Variants in SLC7A2 observed in about 807,000 individuals in gnomAD.
SLC7A2 encodes the protein cationic amino acid transporter 2.
Under a neutral mutation model 58.9 loss-of-function variants are expected in SLC7A2, and 48 were observed. That is an observed-to-expected ratio of 0.82 (90% CI 0.65 to 1.04). The LOEUF (loss-of-function observed/expected upper bound fraction) is 1.04, where lower values mean the gene tolerates loss of function less well. SLC7A2 is among the 50% of genes least tolerant of loss of function. The pLI, the probability that SLC7A2 is intolerant of heterozygous loss-of-function variation, is 0.00. For synonymous variants in SLC7A2, 363 were observed against 314.5 expected (o/e 1.15, Z -1.63); for missense variants, 1,029 against 818.8 (o/e 1.26, Z -3.13).
At chr8:17,560,628 C>T (rs1247891833) in intron 10 of SLC7A2, 95 bp downstream of exon 10, 2 of 1,061,934 alleles carry the variant, frequency 1.9e-6, no homozygotes, top group Non-Finnish European at 2.9e-6. Flanking sequence ...CCTAACATTG[C>T]CCTAGAATAT....
intron 2 of SLC7A2, among the ~76,000 whole-genome samples, chr8:17,513,567 T>C (rs1158402792): frequency 6.6e-6 from 1 of 152,222 alleles, no homozygotes; most frequent in African/African-American, 2.4e-5. Flanking sequence ...TCACAGGATC[T>C]CCATTGCCTT....
At position 17,554,615 on chromosome 8, in the gene SLC7A2, G is replaced by A. The variant is rs747726871; in HGVS notation, c.1111G>A (p.Gly371Arg). 4.8e-5 allele frequency: 77 copies of A among 1,613,340 alleles called. No individual in the cohort carries two copies. Among genetic ancestry groups the A allele is most frequent in the Non-Finnish European group, 5.5e-5 (65 of 1,179,848 alleles). ...TGTAATCTATGCTATGGCGGAGGAT[G>A]GGTTGCTTTTCAAATGTCTAGCTCA... ...PRVIYAMAED[G>R]LLFKCLAQIN... The change falls in exon 8 of 13, where the codon GGG becomes AGG. Residue 371 changes from glycine to arginine, a missense_variant. Physicochemically the swap from Gly to Arg is moderately radical, Grantham distance 125. Transcript: ENST00000494857.
chr8:17,532,251 AAAAAAAAAC>A (rs1317040233), intron 2 of SLC7A2, among the ~76,000 whole-genome samples: 5,692 of 110,032 alleles, frequency 0.052, 387 homozygotes, highest in East Asian at 0.24. Context: ...AAAAAAAAAA[AAAAAAAAAC>A]CCCAGCAATT....
intron 2 of SLC7A2, among the ~76,000 whole-genome samples, chr8:17,516,425 T>C (rs1236882356): frequency 6.6e-6 from 1 of 152,166 alleles, no homozygotes; most frequent in Non-Finnish European, 1.5e-5. Context: ...GGTTTTGCCA[T>C]GTTGGCCAGG....
At chr8:17,539,455 G>T (rs969744620) in intron 2 of SLC7A2, among the ~76,000 whole-genome samples, 2 of 152,110 alleles carry the variant, frequency 1.3e-5, no homozygotes, top group Non-Finnish European at 2.9e-5. Context: ...TCTATTTTCA[G>T]ATCTAAGCTA....
At chr8:17,544,663 AAT>A in intron 4 of SLC7A2, 57 bp downstream of exon 4, 1 of 1,507,628 alleles carries the variant, frequency 6.6e-7, no homozygotes, top group Non-Finnish European at 9.1e-7. Flanking sequence ...GTCTCAGGAA[AAT>A]AGGTTACTTC....
chr8:17,546,564 A>G (rs1802183735), intron 4 of SLC7A2, among the ~76,000 whole-genome samples: 1 of 152,228 alleles, frequency 6.6e-6, no homozygotes. Context: ...CTTACATGAA[A>G]TATAAAGGTG....
rs573592866 is a variant in SLC7A2 at position 17,551,915 on chromosome 8, G to A, written c.984G>A (p.Ala328=). Residue 328 remains alanine (A), a synonymous_variant, in exon 7 of 13, where the codon GCG becomes GCA. Transcript: ENST00000494857. Reference sequence around the variant, plus strand: ...ATGAAAAAAGCCCCCTTCCTGTAGCGTTTGAATATGTGGGATGGGGTCCTG... The same window carrying A: ...ATGAAAAAAGCCCCCTTCCTGTAGCATTTGAATATGTGGGATGGGGTCCTG... ...LLDEKSPLPV[A]FEYVGWGPAK... 2.9e-5 allele frequency: 47 copies of A among 1,613,972 alleles called. No individual in the cohort carries two copies. The highest frequency in any genetic ancestry group is 6.7e-5 in the African/African-American group (5 of 74,976).
At chr8:17,508,540 A>G (rs1234140138) in intron 2 of SLC7A2, among the ~76,000 whole-genome samples, 2 of 152,134 alleles carry the variant, frequency 1.3e-5, no homozygotes, top group Admixed American at 1.3e-4. Context: ...CCTGGCCAAC[A>G]TGGCGAAACC....
Position 17,533,069 on chromosome 8 carries a change from A to G in SLC7A2, c.-22-10249A>G, listed in dbSNP as rs1801523402. Among the ~76,000 whole-genome samples the G allele has an allele frequency of 2.0e-5, 3 of 152,238 alleles. No individual in the cohort carries two copies. The South Asian group carries it at 6.2e-4, about 32-fold the overall frequency. ...ATGGTTCTTGGTTTGCATGTTCTAG[A>G]TAGAAATTTTAGAGGCTCTGAATCA... On this transcript the variant is annotated intron_variant, in intron 2 of 12. Transcript: ENST00000494857.
chr8:17,527,557 T>C (rs1450183900), intron 2 of SLC7A2, among the ~76,000 whole-genome samples: 1 of 152,206 alleles, frequency 6.6e-6, no homozygotes, highest in African/African-American at 2.4e-5. Context: ...AAAATCAAGG[T>C]GGCAGCTGGA....
At chr8:17,528,205 C>A (rs1272360239) in intron 2 of SLC7A2, among the ~76,000 whole-genome samples, 1 of 152,108 alleles carries the variant, frequency 6.6e-6, no homozygotes, top group African/African-American at 2.4e-5. Flanking sequence ...GCTCCGTACA[C>A]TGTCGAGGTG....
rs1475045730 is a variant in SLC7A2, at chr8:17,568,504, G to A, written c.*3358G>A. The A allele has an allele frequency of 6.6e-6, 1 of 152,110 alleles. No homozygotes were observed. Among genetic ancestry groups the A allele is most frequent in the African/African-American group, 2.4e-5 (1 of 41,442 alleles). 9.4% of individuals were successfully genotyped at this position (152,110 alleles called of 1,614,324 possible). A position where few individuals can be genotyped will look rare whatever the true frequency, so the allele number is the denominator to read the frequency against. ...TAGAACTTTACCATCACCAGCCGTA[G>A]TTGATAGAAAATATTAGTTTCAGAA... On this transcript the variant is annotated 3_prime_UTR_variant, in exon 13 of 13. Coordinates refer to ENST00000494857, the MANE Select transcript of SLC7A2 (RefSeq NM_001370338.1).
At chr8:17,550,939 A>G (rs1013964913) in intron 6 of SLC7A2, among the ~76,000 whole-genome samples, 1 of 152,196 alleles carries the variant, frequency 6.6e-6, no homozygotes, top group Non-Finnish European at 1.5e-5. Context: ...TGGCCATACA[A>G]TTGACCACAT....
upstream of SLC7A2, among the ~76,000 whole-genome samples, chr8:17,496,237 G>C (rs1799954623): frequency 6.6e-6 from 1 of 152,154 alleles, no homozygotes; most frequent in Admixed American, 6.5e-5. Flanking sequence ...CGGGAGGATA[G>C]CTTGAGCCCA....
intron 2 of SLC7A2, among the ~76,000 whole-genome samples, chr8:17,521,291 T>G (rs1801004163): frequency 6.6e-6 from 1 of 152,240 alleles, no homozygotes; most frequent in South Asian, 2.1e-4. Context: ...ACTTTGTGTT[T>G]TCCCCACAGA....
In SLC7A2 at chr8:17,566,104, A is replaced by G. The variant is rs1471599561; in HGVS notation, c.*958A>G. On this transcript the variant is annotated 3_prime_UTR_variant, in exon 13 of 13. Transcript: ENST00000494857. ...GTAGACCCCAAGCATCCTTTTCTAA[A>G]AAGTGACTTAAAATAAGCCAACAGA... 6.6e-6 allele frequency: 1 copy of G among 152,220 alleles called. No homozygotes were observed. The highest frequency in any genetic ancestry group is 2.4e-5 in the African/African-American group (1 of 41,440). The allele number at this position is 152,220 out of a possible 1,614,324, so 9.4% of individuals were successfully genotyped here.
chr8:17,552,917 A>G (rs766516967), intron 7 of SLC7A2, among the ~76,000 whole-genome samples: 2 of 152,174 alleles, frequency 1.3e-5, no homozygotes, highest in African/African-American at 2.4e-5. Context: ...AAAGTCTGAA[A>G]CTAGAAAAAG....
rs377148659 is a variant in SLC7A2 at position 17,512,717 on chromosome 8, C to A, written c.-23+10415C>A. ...TCAGTAGCATTAAATGCATTCACAT[C>A]GTTGTACAACAGATTTCTAGAACTT... On this transcript the variant is annotated intron_variant, in intron 2 of 12. Coordinates refer to ENST00000494857, the MANE Select transcript of SLC7A2 (RefSeq NM_001370338.1). Among the ~76,000 whole-genome samples the A allele has an allele frequency of 8.5e-5, 13 of 152,142 alleles. No individual in the cohort carries two copies. In the East Asian group the frequency reaches 1.3e-3, roughly 16 times the overall value.
Sources: allele counts gnomAD v4.1 joint callset (sites outside exome capture counted in the v4.1 genomes callset), GRCh38; gene constraint gnomAD v4.1.1; transcripts MANE v1.5; gene names NCBI Gene and HGNC (gene_info 2026-07-23, HGNC 2026-07-21).